Variants in CENPC observed in about 807,000 individuals in gnomAD.
CENPC encodes centromere protein C.
A neutral mutation model predicts 112.1 loss-of-function variants in CENPC; 63 were observed. The ratio of observed to expected loss-of-function variants is 0.56; its 90% confidence interval spans 0.46 to 0.69. CENPC has a LOEUF of 0.69. Ranked by LOEUF, CENPC falls within the 30% of genes least tolerant of loss-of-function variation. CENPC has a pLI of 0.00. For missense variants in CENPC, 1,000 were observed against 1,103.8 expected (o/e 0.91, Z 1.33); for synonymous variants, 333 against 367.6 (o/e 0.91, Z 1.08).
chr4:67,534,077 T>G lies in CENPC; in HGVS notation c.232-3163A>C, dbSNP rs142964489. On this transcript the variant is annotated intron_variant, in intron 4 of 18. Coordinates refer to ENST00000273853, the MANE Select transcript of CENPC (RefSeq NM_001812.4). ...AAACAGAGGGTGTTAAAAGCGTGTA[T>G]AGTTGAATGTGTCTTTTGTCGCAGA... Among the ~76,000 whole-genome samples the G allele has an allele frequency of 5.9e-3, 895 of 151,248 alleles. 3 individuals carry two copies. Among genetic ancestry groups the G allele is most frequent in the Non-Finnish European group, 9.5e-3 (644 of 67,830 alleles).
intron 17 of CENPC, among the ~76,000 whole-genome samples, chr4:67,476,084 T>G (rs1228130109): frequency 6.6e-6 from 1 of 152,202 alleles, no homozygotes; most frequent in African/African-American, 2.4e-5. Context: ...GTGATGCTGA[T>G]GTAAATAAAT....
chr4:67,512,648 C>T (rs1305539800), intron 8 of CENPC, 79 bp from the exon 9 acceptor site: 3 of 1,013,684 alleles, frequency 3.0e-6, no homozygotes, highest in Non-Finnish European at 4.1e-6. Flanking sequence ...ATAAAAAAAC[C>T]GTCAATTACA....
chr4:67,492,603 C>T (rs1201293174), intron 15 of CENPC: 2 of 484,336 alleles, frequency 4.1e-6, no homozygotes, highest in African/African-American at 4.0e-5. Flanking sequence ...CTATGTTAAC[C>T]ATAGCTTGGG....
At chr4:67,510,909 A>G (rs1404572519) in intron 9 of CENPC, 5 of 438,956 alleles carry the variant, frequency 1.1e-5, no homozygotes, top group East Asian at 7.1e-5. Context: ...GGACTCTTAA[A>G]TAAGTGTTTT....
At chr4:67,484,528 C>T (rs1725035607) in intron 17 of CENPC, among the ~76,000 whole-genome samples, 1 of 152,158 alleles carries the variant, frequency 6.6e-6, no homozygotes, top group African/African-American at 2.4e-5. Flanking sequence ...ATTAGATTCT[C>T]TCAGGCACAT....
rs1057047227 is a variant in CENPC at position 67,545,497 on chromosome 4, G to T, written c.-142C>A. On this transcript the variant is annotated 5_prime_UTR_variant, in exon 1 of 19. Coordinates refer to ENST00000273853, the MANE Select transcript of CENPC (RefSeq NM_001812.4). The stretch of plus-strand genomic sequence containing the variant: ...ACCTTAAGTCTCAGGCGACTGCCGC[G>T]AGAGCTGCGATCCGGAAGGCGCGCG... 1.6e-5 allele frequency: 12 copies of T among 765,190 alleles called. No individual in the cohort carries two copies. The African/African-American group carries it at 2.2e-4, about 14-fold the overall frequency. 47.4% of individuals were successfully genotyped at this position (765,190 alleles called of 1,614,324 possible). A position where few individuals can be genotyped will look rare whatever the true frequency, so the allele number is the denominator to read the frequency against.
intron 5 of CENPC, among the ~76,000 whole-genome samples, chr4:67,526,159 C>A (rs962989604): frequency 6.6e-6 from 1 of 151,620 alleles, no homozygotes; most frequent in African/African-American, 2.4e-5. Context: ...CACACCAGGG[C>A]CTGTGGTGGG....
At chr4:67,506,755 T>A in intron 11 of CENPC, 33 bp downstream of exon 11, 1 of 1,505,240 alleles carries the variant, frequency 6.6e-7, no homozygotes, top group Non-Finnish European at 8.9e-7. Context: ...GTAACTAATA[T>A]ATACAACTAT....
chr4:67,518,858 C>T (rs1037253712), intron 6 of CENPC, among the ~76,000 whole-genome samples: 1 of 152,164 alleles, frequency 6.6e-6, no homozygotes, highest in African/African-American at 2.4e-5. Context: ...GCATAGCATC[C>T]TCAATAATAC....
chr4:67,531,824 G>A (rs1469720410), intron 4 of CENPC, among the ~76,000 whole-genome samples: 1 of 152,140 alleles, frequency 6.6e-6, no homozygotes, highest in Non-Finnish European at 1.5e-5. Context: ...TATCCTGGCT[G>A]AATGACTATA....
In CENPC at chr4:67,490,099, T is replaced by A. The variant is rs569821359; in HGVS notation, c.2538A>T (p.Thr846=). 4.4e-6 allele frequency: 7 copies of A among 1,607,696 alleles called. No homozygotes were observed. The highest frequency in any genetic ancestry group is 5.9e-6 in the Non-Finnish European group (7 of 1,177,352). ...ILMDLVRPQD[T]YQFFVKHGEL... ...CACCATGCTTAACAAAAAATTGATA[T>A]GTATCTTGTGGCCTTACAAGATCTA... The change falls in exon 17 of 19, where the codon ACA becomes ACT. Residue 846 remains threonine, a synonymous_variant. Coordinates refer to ENST00000273853, the MANE Select transcript of CENPC (RefSeq NM_001812.4).
At chr4:67,490,250 T>C in intron 16 of CENPC, 129 bp from the exon 17 acceptor site, 1 of 567,216 alleles carries the variant, frequency 1.8e-6, no homozygotes, top group Admixed American at 4.2e-5. Context: ...TTTCAGAGCA[T>C]TAACTCTGGA....
intron 12 of CENPC, among the ~76,000 whole-genome samples, chr4:67,503,771 T>C (rs1031583329): frequency 2.6e-5 from 4 of 151,904 alleles, no homozygotes; most frequent in Admixed American, 6.6e-5. Flanking sequence ...AAACTAAGCA[T>C]ACACTAGACA....
At chr4:67,533,207 G>C (rs188950790) in intron 4 of CENPC, among the ~76,000 whole-genome samples, 1 of 152,148 alleles carries the variant, frequency 6.6e-6, no homozygotes, top group African/African-American at 2.4e-5. Flanking sequence ...TGCTATTCTC[G>C]TGATAGTGAA....
At chr4:67,529,582 T>A (rs1232563289) in intron 5 of CENPC, among the ~76,000 whole-genome samples, 2 of 152,114 alleles carry the variant, frequency 1.3e-5, no homozygotes, top group Non-Finnish European at 2.9e-5. Context: ...TGCCTCAGCC[T>A]CCCAAAGTGC....
chr4:67,512,382 A>G lies in CENPC; in HGVS notation c.1612+20T>C, dbSNP rs1725917315. On this transcript the variant is annotated intron_variant, in intron 9 of 18. Coordinates refer to ENST00000273853, the MANE Select transcript of CENPC (RefSeq NM_001812.4). Reference sequence around the variant, plus strand: ...ATGATTTTGTCTATGAACAAACACAATTTAAATAAAAATACTTACTCTCCT... The same window carrying G: ...ATGATTTTGTCTATGAACAAACACAGTTTAAATAAAAATACTTACTCTCCT... The G allele has an allele frequency of 1.3e-6, 2 of 1,536,566 alleles. No homozygotes were observed. Among genetic ancestry groups the G allele is most frequent in the African/African-American group, 1.4e-5 (1 of 72,476 alleles).
intron 17 of CENPC, among the ~76,000 whole-genome samples, chr4:67,479,159 G>A (rs1724888669): frequency 6.6e-6 from 1 of 152,078 alleles, no homozygotes; most frequent in South Asian, 2.1e-4. Context: ...CAGTAAACAG[G>A]TCATCAAGAC....
intron 7 of CENPC, among the ~76,000 whole-genome samples, chr4:67,515,045 T>C (rs1413281252): frequency 6.6e-6 from 1 of 151,366 alleles, no homozygotes. Context: ...TATAATCTTA[T>C]ATTAAATTAT....
chr4:67,502,113 T>C (rs1004017614), intron 12 of CENPC, among the ~76,000 whole-genome samples: 4 of 151,934 alleles, frequency 2.6e-5, no homozygotes, highest in African/African-American at 7.3e-5. Context: ...AGCAATACGG[T>C]GATAGTTTAA....
Sources: allele counts gnomAD v4.1 joint callset (sites outside exome capture counted in the v4.1 genomes callset), GRCh38; gene constraint gnomAD v4.1.1; transcripts MANE v1.5; gene names NCBI Gene and HGNC (gene_info 2026-07-23, HGNC 2026-07-21).